PTCH1: variants seen among roughly 807,000 people sequenced by gnomAD.
PTCH1 encodes protein patched homolog 1.
PTCH1 carries 14 observed loss-of-function variants against 144.6 expected under a neutral mutation model. The ratio of observed to expected loss-of-function variants is 0.10; its 90% CI spans 0.06 to 0.15. The LOEUF is 0.15. Ranked by LOEUF, PTCH1 falls within the 10% of genes least tolerant of loss-of-function variation. The pLI, the probability that PTCH1 is intolerant of heterozygous loss-of-function variation, is 1.00. For missense variants in PTCH1, 1,623 were observed against 1,948.3 expected, an observed-to-expected ratio of 0.83 and a Z score of 3.14; for synonymous variants, 833 against 793.6, an observed-to-expected ratio of 1.05 and a Z score of -0.83.
rs1404356326 is a variant in PTCH1, at chr9:95,458,955, G to A, written c.2887+645C>T. ...CACTGGATCCGGGGAAGCACTACTC[G>A]CTGAGTCTCCAGCCATGTTTGCAAG... On this transcript the variant is annotated intron_variant, in intron 17 of 23. Coordinates refer to ENST00000331920, the MANE Select transcript of PTCH1 (RefSeq NM_000264.5). This position sits in a 1 kb window ranked among gnomAD's most constrained non-coding sequence, Gnocchi z 4.7. 6.6e-6 allele frequency among the ~76,000 whole-genome samples: 1 copy of A among 152,186 alleles called. No individual in the cohort carries two copies. Among genetic ancestry groups the A allele is most frequent in the Non-Finnish European group, 1.5e-5 (1 of 68,040 alleles).
chr9:95,505,098 T>G (rs976687378), intron 2 of PTCH1, among the ~76,000 whole-genome samples: 1 of 152,238 alleles, frequency 6.6e-6, no homozygotes, highest in Non-Finnish European at 1.5e-5. Context: ...AGACTATTAT[T>G]TTAATTGTCA....
chr9:95,484,387 A>G lies in PTCH1; in HGVS notation c.584+1298T>C, dbSNP rs961128475. ...ATGAAGGATACGAGCACACATGACC[A>G]TAAGCCCAGGTTACAGATAAACAAA... is the stretch of plus-strand genomic sequence containing the variant. On this transcript the variant is annotated intron_variant, in intron 3 of 23. Transcript: ENST00000331920. 5.3e-5 allele frequency: 8 copies of G among 152,362 alleles called. No individual in the cohort carries two copies. The East Asian group carries it at 7.7e-4, about 15-fold the overall frequency. The allele number at this position is 152,362 out of a possible 1,614,324, so 9.4% of individuals were successfully genotyped here.
intron 1 of PTCH1, among the ~76,000 whole-genome samples, chr9:95,515,774 A>AC (rs1844336260): frequency 6.6e-6 from 1 of 151,942 alleles, no homozygotes; most frequent in Non-Finnish European, 1.5e-5. Context: ...TCTCTTACCC[A>AC]CCGCCCCTTC....
intron 1 of PTCH1, 194 bp downstream of exon 1, chr9:95,507,967 C>G (rs999910784): frequency 1.8e-4 from 261 of 1,479,930 alleles, no homozygotes; most frequent in Non-Finnish European, 2.3e-4. Flanking sequence ...CAGCCCTTTC[C>G]TCCCAGGACC....
At chr9:95,480,271 A>C (rs948142078) in intron 6 of PTCH1, 119 bp downstream of exon 6, 7 of 1,535,010 alleles carry the variant, frequency 4.6e-6, no homozygotes, top group Non-Finnish European at 5.4e-6. Flanking sequence ...AGTTCCATAG[A>C]CAAAGACGAT....
chr9:95,456,832 T>C (rs1391682701), intron 18 of PTCH1, among the ~76,000 whole-genome samples: 3 of 152,114 alleles, frequency 2.0e-5, no homozygotes, highest in African/African-American at 4.8e-5. Flanking sequence ...CGTGAACCCA[T>C]CATTAAGTTT....
At chr9:95,489,666 A>C (rs1173891521) in intron 2 of PTCH1, among the ~76,000 whole-genome samples, 2 of 152,086 alleles carry the variant, frequency 1.3e-5, no homozygotes, top group Non-Finnish European at 2.9e-5. Flanking sequence ...CAAAGTCCTA[A>C]CATATTTTTA....
chr9:95,472,688 C>A (rs1840686117), intron 12 of PTCH1, among the ~76,000 whole-genome samples: 1 of 152,178 alleles, frequency 6.6e-6, no homozygotes, highest in African/African-American at 2.4e-5. Flanking sequence ...GAGAAGCCTG[C>A]TGGGCACCTT....
intron 22 of PTCH1, among the ~76,000 whole-genome samples, chr9:95,448,578 T>C (rs1490579376): frequency 6.6e-6 from 1 of 152,132 alleles, no homozygotes; most frequent in Non-Finnish European, 1.5e-5. Context: ...CCAAAAGCTA[T>C]GGTAAAGTAT....
intron 3 of PTCH1, chr9:95,483,314 T>C (rs1681190003): frequency 6.9e-6 from 1 of 145,024 alleles, no homozygotes; most frequent in African/African-American, 2.6e-5. Flanking sequence ...AAAAGTGTTA[T>C]ATAAGCCCAT....
intron 12 of PTCH1, 28 bp from the exon 13 acceptor site, chr9:95,469,959 C>T: frequency 6.6e-7 from 1 of 1,506,348 alleles, no homozygotes; most frequent in Non-Finnish European, 9.2e-7. Context: ...ATTCAGAGGT[C>T]ACCAACATGC....
At chr9:95,477,780 C>A in intron 9 of PTCH1, 78 bp from the exon 10 acceptor site, 1 of 1,568,306 alleles carries the variant, frequency 6.4e-7, no homozygotes, top group South Asian at 1.2e-5. Flanking sequence ...TCCCTCCACC[C>A]ATCACCCCAA....
chr9:95,469,877 T>C lies in PTCH1; in HGVS notation c.1783A>G (p.Ile595Val). The C allele has an allele frequency of 1.2e-6, 2 of 1,614,074 alleles. No homozygotes were observed. The highest frequency in any genetic ancestry group is 1.7e-6 in the Non-Finnish European group (2 of 1,180,016). Residue 595 changes from isoleucine to valine, a missense_variant, in exon 13 of 24, where the codon ATT (isoleucine) becomes GTT (valine). By Grantham distance (29) the Ile-to-Val change is conservative. Transcript: ENST00000331920. ...FAMVLLIFPA[I>V]LSMDLYRRED... ...CGTCGATATAAATCCATGCTGAGAA[T>C]TGCAGGAAAAATGAGCAGAACCATG... is the stretch of plus-strand genomic sequence containing the variant.
upstream of PTCH1, among the ~76,000 whole-genome samples, chr9:95,509,496 C>T (rs970546917): frequency 4.6e-5 from 7 of 152,342 alleles, no homozygotes; most frequent in South Asian, 1.4e-3. Context: ...GAGCGCCAAC[C>T]TTCTCGCATG....
At chr9:95,516,541 A>G in exon 1 of PTCH1, 1 of 1,540,862 alleles carries the variant, frequency 6.5e-7, no homozygotes, top group Non-Finnish European at 8.7e-7. Context: ...ATTTCACATC[A>G]ATTCCTTTTT....
At chr9:95,513,837 G>A (rs997850003), upstream of PTCH1, among the ~76,000 whole-genome samples, 5 of 152,092 alleles carry the variant, frequency 3.3e-5, no homozygotes, top group Non-Finnish European at 7.4e-5. Flanking sequence ...CCCCAGGCTG[G>A]AGGAAAGGGA....
intron 10 of PTCH1, 77 bp downstream of exon 10, chr9:95,477,470 C>T: frequency 6.3e-7 from 1 of 1,590,558 alleles, no homozygotes; most frequent in Admixed American, 1.7e-5. Flanking sequence ...ACACAGCACA[C>T]AGGAGGCTGG....
intron 18 of PTCH1, among the ~76,000 whole-genome samples, chr9:95,456,678 A>G (rs1838958336): frequency 6.6e-6 from 1 of 152,162 alleles, no homozygotes; most frequent in Admixed American, 6.5e-5. Context: ...CTTCTCCAGA[A>G]AGCAAAAAAC....
At chr9:95,513,888 C>T (rs1028616796), upstream of PTCH1, among the ~76,000 whole-genome samples, 9 of 152,060 alleles carry the variant, frequency 5.9e-5, no homozygotes, top group Non-Finnish European at 1.0e-4. Flanking sequence ...TGCTAATTAC[C>T]CCTGATCTCC....
Sources: allele counts gnomAD v4.1 joint callset (sites outside exome capture counted in the v4.1 genomes callset), GRCh38; gene constraint gnomAD v4.1.1; non-coding constraint Gnocchi (gnomAD v3.1); transcripts MANE v1.5; gene names NCBI Gene and HGNC (gene_info 2026-07-23, HGNC 2026-07-21).